Variants in P2RY14 observed in about 807,000 individuals in gnomAD.
P2RY14 encodes purinergic receptor P2Y14.
In P2RY14, 2 loss-of-function variants were observed where a neutral mutation model predicts 0.9. The observed-to-expected ratio is 2.16, with a 90% CI of 0.88 to 6.79. The LOEUF (loss-of-function observed/expected upper bound fraction) is 6.79, where lower values mean the gene tolerates loss of function less well. P2RY14 is among the 30% of genes most tolerant of loss of function. The pLI is 0.05. For missense variants in P2RY14, 378 were observed against 400.1 expected (o/e 0.94, Z 0.47); for synonymous variants, 158 against 147.2 (o/e 1.07, Z -0.53).
rs202203582 is a variant in P2RY14, at chr3:151,231,587, T to TA, written c.-132-11946dup. ...ATAAAGCAACCAGCCTTGGACTCTTTAAAAAAATCAATGCCACGAGAAACA... is the reference window on the plus strand; with the variant it reads ...ATAAAGCAACCAGCCTTGGACTCTTTAAAAAAAATCAATGCCACGAGAAACA... On this transcript the variant is annotated intron_variant, in intron 1 of 2. Coordinates refer to ENST00000309170, the MANE Select transcript of P2RY14 (RefSeq NM_014879.4). 4.9e-3 allele frequency among the ~76,000 whole-genome samples: 744 copies of TA among 152,206 alleles called. 28 individuals carry two copies. Among genetic ancestry groups the TA allele is most frequent in the Admixed American group, 0.039 (597 of 15,296 alleles).
At chr3:151,246,007 A>G (rs1373026601) in intron 1 of P2RY14, among the ~76,000 whole-genome samples, 3 of 150,684 alleles carry the variant, frequency 2.0e-5, no homozygotes, top group Non-Finnish European at 3.0e-5. Context: ...TCATGAGTGA[A>G]CTCCCATTCA....
intron 1 of P2RY14, chr3:151,270,114 G>A: frequency 4.2e-6 from 1 of 235,836 alleles, no homozygotes; most frequent in African/African-American, 2.4e-5. Context: ...AAAGAAAGGG[G>A]GTGAAGGAGA....
At chr3:151,266,775 A>G (rs1226225754) in intron 1 of P2RY14, among the ~76,000 whole-genome samples, 1 of 152,210 alleles carries the variant, frequency 6.6e-6, no homozygotes, top group Non-Finnish European at 1.5e-5. Flanking sequence ...GCTGCCTGGT[A>G]AGAAGAAAGA....
chr3:151,243,848 C>T (rs1734773369), intron 1 of P2RY14, among the ~76,000 whole-genome samples: 1 of 150,876 alleles, frequency 6.6e-6, no homozygotes, highest in African/African-American at 2.4e-5. Context: ...CAAGACCCAT[C>T]AGTGTGCTGT....
At chr3:151,268,704 G>T (rs1389759170) in intron 1 of P2RY14, among the ~76,000 whole-genome samples, 1 of 152,122 alleles carries the variant, frequency 6.6e-6, no homozygotes, top group African/African-American at 2.4e-5. Flanking sequence ...CTAACCTATA[G>T]GGCATTTATA....
chr3:151,247,959 CTTCTTTTTT>C (rs1213710132), intron 1 of P2RY14, among the ~76,000 whole-genome samples: 15 of 65,442 alleles, frequency 2.3e-4, no homozygotes, highest in South Asian at 5.4e-4. Context: ...TCTTCTTCTT[CTTCTTTTTT>C]TTTTTTTTTT....
intron 1 of P2RY14, among the ~76,000 whole-genome samples, 151 bp downstream of exon 1, chr3:151,278,136 T>C (rs952504642): frequency 6.6e-6 from 1 of 152,222 alleles, no homozygotes; most frequent in African/African-American, 2.4e-5. Context: ...CAATTATAGT[T>C]GTCAAACAAA....
chr3:151,232,032 G>C (rs1731777674), intron 1 of P2RY14, among the ~76,000 whole-genome samples: 5 of 151,998 alleles, frequency 3.3e-5, no homozygotes, highest in Admixed American at 3.3e-4. Context: ...TTTGAGGGAA[G>C]GGTCCTGTGC....
At chr3:151,259,361 A>G (rs1559950409) in intron 1 of P2RY14, among the ~76,000 whole-genome samples, 1 of 152,206 alleles carries the variant, frequency 6.6e-6, no homozygotes, top group Non-Finnish European at 1.5e-5. Context: ...AACCCCAGGA[A>G]ATACTTTCAG....
intron 1 of P2RY14, among the ~76,000 whole-genome samples, chr3:151,240,446 G>T (rs757088014): frequency 6.6e-6 from 1 of 152,168 alleles, no homozygotes; most frequent in Non-Finnish European, 1.5e-5. Context: ...TGCGTGCCAG[G>T]TACTAGCATG....
intron 1 of P2RY14, among the ~76,000 whole-genome samples, chr3:151,266,389 A>G (rs868365181): frequency 1.2e-4 from 18 of 152,388 alleles, no homozygotes; most frequent in Middle Eastern, 3.4e-3. Context: ...TCACATTTAC[A>G]GTATCATCCA....
At chr3:151,249,408 A>G (rs952875455) in intron 1 of P2RY14, among the ~76,000 whole-genome samples, 1 of 152,204 alleles carries the variant, frequency 6.6e-6, no homozygotes, top group Non-Finnish European at 1.5e-5. Flanking sequence ...AAACATCTGC[A>G]CGTTTCCTTC....
At chr3:151,222,588 A>G (rs1052214443) in intron 1 of P2RY14, among the ~76,000 whole-genome samples, 1 of 152,228 alleles carries the variant, frequency 6.6e-6, no homozygotes, top group African/African-American at 2.4e-5. Flanking sequence ...GTCTGCCACC[A>G]TGTGAGATGT....
chr3:151,263,840 C>T (rs1739356623), intron 1 of P2RY14, among the ~76,000 whole-genome samples: 1 of 152,158 alleles, frequency 6.6e-6, no homozygotes, highest in South Asian at 2.1e-4. Flanking sequence ...TTCTCTTTAC[C>T]CCATAGGGTT....
Position 151,253,148 on chromosome 3 carries a change from TG to T in P2RY14, c.-133+25138del, listed in dbSNP as rs58278474. Among the ~76,000 whole-genome samples the T allele has an allele frequency of 5.7e-3, 862 of 152,348 alleles. 6 individuals are homozygous for T. The highest frequency in any genetic ancestry group is 0.02 in the African/African-American group (829 of 41,592). ...ATGCAGCTAAGGACTTCTGGAGATC[TG>T]GGGTCATGACAGGCACCCTGTATAG... On this transcript the variant is annotated intron_variant, in intron 1 of 2. Transcript: ENST00000309170.
At chr3:151,257,504 C>T (rs756098094) in intron 1 of P2RY14, among the ~76,000 whole-genome samples, 69 of 152,204 alleles carry the variant, frequency 4.5e-4, no homozygotes, top group Non-Finnish European at 8.1e-4. Context: ...GCACCCTCAT[C>T]GTTAGGAGAA....
At chr3:151,232,839 C>T (rs761279399) in intron 1 of P2RY14, among the ~76,000 whole-genome samples, 1 of 152,122 alleles carries the variant, frequency 6.6e-6, no homozygotes, top group Non-Finnish European at 1.5e-5. Context: ...GGGTACTAGA[C>T]TTAGTACCTG....
rs777991723 is a variant in P2RY14, at chr3:151,213,349, G to C, written c.968C>G (p.Ser323Cys). The C allele has an allele frequency of 5.6e-6, 9 of 1,612,736 alleles. No individual in the cohort carries two copies. The highest frequency in any genetic ancestry group is 6.8e-6 in the Non-Finnish European group (8 of 1,179,664). Residue 323 changes from serine (S) to cysteine (C), a missense_variant, in exon 3 of 3, where the codon TCC (serine) becomes TGC (cysteine). Physicochemically the swap from Ser to Cys is moderately radical, Grantham distance 112. Transcript: ENST00000309170. The stretch of plus-strand genomic sequence containing the variant: ...TGTTGTATTTCCTCTTTTGATTCTG[G>C]AAATGTCTAGGTCATTCTGAGCTTT... ...PLKAQNDLDI[S>C]RIKRGNTTLE...
intron 1 of P2RY14, among the ~76,000 whole-genome samples, chr3:151,239,511 T>C (rs1733643026): frequency 6.6e-6 from 1 of 152,256 alleles, no homozygotes; most frequent in South Asian, 2.1e-4. Flanking sequence ...TGCAAAAATG[T>C]AGAATAACAT....
Sources: gnomAD v4.1 joint callset for allele counts (sites outside exome capture counted in the v4.1 genomes callset) on GRCh38, gnomAD v4.1.1 for gene constraint, MANE v1.5 for transcripts, NCBI Gene and HGNC (gene_info 2026-07-23, HGNC 2026-07-21) for gene names.